Variants in PARD3B observed in about 807,000 individuals in gnomAD.
PARD3B encodes par-3 family cell polarity regulator beta.
PARD3B carries 103 observed loss-of-function variants against 130.2 expected under a neutral mutation model. The ratio of observed to expected loss-of-function variants is 0.79; its 90% CI spans 0.67 to 0.93. The LOEUF (loss-of-function observed/expected upper bound fraction) is 0.93. Ranked by LOEUF, PARD3B falls within the 40% of genes least tolerant of loss-of-function variation. The pLI, the probability that PARD3B is intolerant of heterozygous loss-of-function variation, is 0.00. For missense variants in PARD3B, 1,609 were observed against 1,499.2 expected, an observed-to-expected ratio of 1.07 and a Z score of -1.21; for synonymous variants, 583 against 553.2, an observed-to-expected ratio of 1.05 and a Z score of -0.76.
intron 2 of PARD3B, among the ~76,000 whole-genome samples, chr2:204,766,203 C>A (rs2041138369): frequency 6.6e-6 from 1 of 152,080 alleles, no homozygotes; most frequent in Non-Finnish European, 1.5e-5. Context: ...CTGGTCAATA[C>A]CCAACAACAC....
intron 2 of PARD3B, among the ~76,000 whole-genome samples, chr2:204,720,716 T>C (rs1574809217): frequency 6.6e-6 from 1 of 152,144 alleles, no homozygotes; most frequent in Non-Finnish European, 1.5e-5. Flanking sequence ...AGAACCTTAG[T>C]TGCCATCCGG....
intron 2 of PARD3B, among the ~76,000 whole-genome samples, chr2:204,833,183 T>C (rs1185030718): frequency 6.6e-6 from 1 of 152,210 alleles, no homozygotes; most frequent in African/African-American, 2.4e-5. Flanking sequence ...GACACCACAC[T>C]ATAGATAAAT....
intron 18 of PARD3B, among the ~76,000 whole-genome samples, chr2:205,347,533 A>G (rs181646052): frequency 3.0e-4 from 46 of 152,370 alleles, no homozygotes; most frequent in Admixed American, 5.9e-4. Context: ...ATGGGAGGCC[A>G]GTAGTTAAAA....
intron 16 of PARD3B, among the ~76,000 whole-genome samples, chr2:205,260,283 G>C (rs185874058): frequency 6.6e-6 from 1 of 152,234 alleles, no homozygotes; most frequent in African/African-American, 2.4e-5. Context: ...GGCATATGAG[G>C]TCCTATGTGG....
chr2:204,739,583 T>C (rs2039907785), intron 2 of PARD3B, among the ~76,000 whole-genome samples: 1 of 152,062 alleles, frequency 6.6e-6, no homozygotes, highest in South Asian at 2.1e-4. Flanking sequence ...GCCTCCTGAG[T>C]AGCTAGGACT....
At chr2:205,399,372 T>C (rs2046158652) in intron 18 of PARD3B, among the ~76,000 whole-genome samples, 1 of 152,098 alleles carries the variant, frequency 6.6e-6, no homozygotes, top group Non-Finnish European at 1.5e-5. Flanking sequence ...TGTTTGTTTT[T>C]GAGACAGAGT....
In PARD3B at chr2:205,037,657, T is replaced by C. The variant is rs990724161; in HGVS notation, c.395-9924T>C. ...TATAAAATATGTATATAGTGGACTA[T>C]ATATAATGTATATAGTGGACTATAT... On this transcript the variant is annotated intron_variant, in intron 3 of 22. Transcript: ENST00000406610. Among the ~76,000 whole-genome samples the C allele has an allele frequency of 3.6e-5, 5 of 138,396 alleles. No individual in the cohort carries two copies. In the East Asian group the frequency reaches 8.5e-4, roughly 24 times the overall value. The allele number at this position is 138,396 out of a possible 152,430, so 90.8% of individuals were successfully genotyped here.
At chr2:205,376,201 A>G (rs1236242350) in intron 18 of PARD3B, among the ~76,000 whole-genome samples, 10 of 152,160 alleles carry the variant, frequency 6.6e-5, no homozygotes, top group Admixed American at 6.6e-4. Context: ...GGTTTGGAGG[A>G]CTGAGAAACA....
At chr2:204,619,970 G>T (rs754658044) in intron 1 of PARD3B, among the ~76,000 whole-genome samples, 10 of 152,118 alleles carry the variant, frequency 6.6e-5, no homozygotes, top group Non-Finnish European at 1.3e-4. Flanking sequence ...TCCAAACCCT[G>T]AGGCAGGGAG....
intron 2 of PARD3B, among the ~76,000 whole-genome samples, chr2:204,925,773 T>C (rs1210920008): frequency 6.6e-6 from 1 of 152,070 alleles, no homozygotes; most frequent in Non-Finnish European, 1.5e-5. Context: ...CCAAATCTCA[T>C]CTCAAATTGT....
intron 2 of PARD3B, among the ~76,000 whole-genome samples, chr2:204,815,793 T>C (rs2043125927): frequency 6.6e-6 from 1 of 152,040 alleles, no homozygotes; most frequent in Non-Finnish European, 1.5e-5. Flanking sequence ...TTCAGAAGTG[T>C]ATTTTTCCCA....
chr2:205,479,644 C>T (rs1204498394), intron 20 of PARD3B, among the ~76,000 whole-genome samples: 1 of 152,194 alleles, frequency 6.6e-6, no homozygotes, highest in Non-Finnish European at 1.5e-5. Flanking sequence ...CTACCATCAC[C>T]CCTCACCTGC....
chr2:204,577,898 A>G (rs1244865868), intron 1 of PARD3B, among the ~76,000 whole-genome samples: 1 of 152,128 alleles, frequency 6.6e-6, no homozygotes, highest in Non-Finnish European at 1.5e-5. Context: ...ATGGTTTGTA[A>G]AGAGTGATAC....
intron 2 of PARD3B, among the ~76,000 whole-genome samples, chr2:204,835,467 C>T (rs1259526109): frequency 2.0e-5 from 3 of 152,152 alleles, no homozygotes; most frequent in Non-Finnish European, 4.4e-5. Context: ...ACCTCTCCTC[C>T]CCTCTCCTTA....
intron 2 of PARD3B, among the ~76,000 whole-genome samples, chr2:204,692,956 G>T (rs551688038): frequency 2.6e-5 from 4 of 152,132 alleles, no homozygotes; most frequent in African/African-American, 9.6e-5. Context: ...TTTAGTTCCT[G>T]AGTCCATTTC....
At chr2:204,577,842 A>G (rs1172716949) in intron 1 of PARD3B, among the ~76,000 whole-genome samples, 1 of 152,128 alleles carries the variant, frequency 6.6e-6, no homozygotes, top group Non-Finnish European at 1.5e-5. Flanking sequence ...TGCTGGGATT[A>G]TAGACATCAG....
At chr2:204,792,165 T>C (rs545333047) in intron 2 of PARD3B, among the ~76,000 whole-genome samples, 1 of 152,284 alleles carries the variant, frequency 6.6e-6, no homozygotes, top group South Asian at 2.1e-4. Context: ...ACCAATTTGG[T>C]AAATAGAAAA....
At chr2:204,942,999 C>A (rs755003373) in intron 2 of PARD3B, among the ~76,000 whole-genome samples, 3 of 151,704 alleles carry the variant, frequency 2.0e-5, no homozygotes, top group Non-Finnish European at 4.4e-5. Flanking sequence ...ACCTCCAGAA[C>A]CAGGCTGCAC....
intron 16 of PARD3B, 110 bp downstream of exon 16, chr2:205,245,932 A>G: frequency 1.1e-6 from 1 of 874,264 alleles, no homozygotes; most frequent in Non-Finnish European, 1.9e-6. Context: ...AGGCTTTCTA[A>G]TTAATACATG....
Sources: allele counts gnomAD v4.1 joint callset (sites outside exome capture counted in the v4.1 genomes callset), GRCh38; gene constraint gnomAD v4.1.1; transcripts MANE v1.5; gene names NCBI Gene and HGNC (gene_info 2026-07-23, HGNC 2026-07-21).